The following PARD3 variants were observed in gnomAD, a reference collection of about 807,000 sequenced individuals.
PARD3 encodes partitioning defective 3 homolog.
PARD3 carries 75 observed loss-of-function variants against 155.4 expected under a neutral mutation model. The observed-to-expected ratio is 0.48, with a 90% CI of 0.40 to 0.58. The LOEUF (loss-of-function observed/expected upper bound fraction) is 0.58, where lower values mean the gene tolerates loss of function less well. Among genes scored for constraint, PARD3 ranks in the 20% least tolerant of loss-of-function variants. PARD3 has a pLI of 0.00. For missense variants in PARD3, 1,642 were observed against 1,721.7 expected (o/e 0.95, Z 0.82); for synonymous variants, 576 against 610.5 (o/e 0.94, Z 0.83).
intron 1 of PARD3, among the ~76,000 whole-genome samples, chr10:34,803,684 T>C (rs1843048702): frequency 6.6e-6 from 1 of 151,938 alleles, no homozygotes; most frequent in Non-Finnish European, 1.5e-5. Flanking sequence ...GAACCTATAA[T>C]CCCAGCTACT....
intron 2 of PARD3, among the ~76,000 whole-genome samples, chr10:34,555,482 A>C (rs1162668073): frequency 1.3e-5 from 2 of 152,192 alleles, no homozygotes; most frequent in Non-Finnish European, 2.9e-5. Context: ...GGAAAATTTT[A>C]TATCATAAAT....
intron 12 of PARD3, among the ~76,000 whole-genome samples, chr10:34,367,210 G>GTCT (rs1254728655): frequency 6.6e-6 from 1 of 152,070 alleles, no homozygotes; most frequent in South Asian, 2.1e-4. Context: ...ATTAACAAAC[G>GTCT]TAATAGGTTA....
intron 19 of PARD3, among the ~76,000 whole-genome samples, chr10:34,320,651 GT>G (rs1958315231): frequency 6.6e-6 from 1 of 152,130 alleles, no homozygotes; most frequent in Non-Finnish European, 1.5e-5. Flanking sequence ...TAATTTTCTG[GT>G]GTATGTAACA....
In PARD3 at chr10:34,610,912, G is replaced by C. The variant is rs74132069; in HGVS notation, c.222+85406C>G. On this transcript the variant is annotated intron_variant, in intron 2 of 24. Transcript: ENST00000374788. ...TGTGGTGATGGGGAGAGGTGGGGGG[G>C]AGTTTGAAATTTTCAGCTCTTAATG... Among the ~76,000 whole-genome samples, 1,199 of 152,182 alleles carry C rather than the reference G, an allele frequency of 7.9e-3. 17 individuals carry two copies. The highest frequency in any genetic ancestry group is 0.028 in the African/African-American group (1,146 of 41,526).
At chr10:34,331,411 T>C (rs929627320) in intron 18 of PARD3, 67 bp from the exon 19 acceptor site, 2 of 938,226 alleles carry the variant, frequency 2.1e-6, no homozygotes, top group African/African-American at 1.6e-5. Flanking sequence ...GAATATGCAC[T>C]GTCGAAAACT....
intron 20 of PARD3, among the ~76,000 whole-genome samples, chr10:34,293,903 G>C (rs1229163046): frequency 1.3e-5 from 2 of 152,142 alleles, no homozygotes; most frequent in Non-Finnish European, 2.9e-5. Flanking sequence ...CCTACATCTG[G>C]TTACCATGGT....
chr10:34,726,600 A>G (rs1446294021), intron 1 of PARD3, among the ~76,000 whole-genome samples: 2 of 151,976 alleles, frequency 1.3e-5, no homozygotes, highest in Non-Finnish European at 2.9e-5. Flanking sequence ...ACACACACAA[A>G]CACATACACA....
chr10:34,232,044 C>T (rs915635195), intron 22 of PARD3, among the ~76,000 whole-genome samples: 4 of 152,054 alleles, frequency 2.6e-5, no homozygotes, highest in Non-Finnish European at 2.9e-5. Context: ...TCACAGAACT[C>T]GAATAAAGGT....
intron 2 of PARD3, among the ~76,000 whole-genome samples, chr10:34,678,427 T>C (rs904124855): frequency 6.6e-6 from 1 of 152,212 alleles, no homozygotes; most frequent in Admixed American, 6.5e-5. Context: ...TACAGAACTG[T>C]GAAATTGGAG....
At chr10:34,734,411 C>A (rs1365283984) in intron 1 of PARD3, among the ~76,000 whole-genome samples, 1 of 137,350 alleles carries the variant, frequency 7.3e-6, no homozygotes, top group Non-Finnish European at 1.5e-5. Context: ...TCTCAGCTCA[C>A]TGCAAGCTCC....
chr10:34,472,672 A>C (rs1200967548), intron 3 of PARD3, among the ~76,000 whole-genome samples: 1 of 152,204 alleles, frequency 6.6e-6, no homozygotes, highest in Non-Finnish European at 1.5e-5. Context: ...TACAAGAGGC[A>C]CTATTAACTC....
intron 2 of PARD3, among the ~76,000 whole-genome samples, chr10:34,648,381 T>C (rs2092908359): frequency 6.6e-6 from 1 of 152,230 alleles, no homozygotes; most frequent in Non-Finnish European, 1.5e-5. Context: ...GCTGGTGTGC[T>C]GCTTGGAGTC....
At chr10:34,677,986 T>C (rs540921282) in intron 2 of PARD3, among the ~76,000 whole-genome samples, 3 of 152,166 alleles carry the variant, frequency 2.0e-5, no homozygotes, top group South Asian at 2.1e-4. Context: ...TATATATTGA[T>C]TGTATAGCCT....
chr10:34,224,180 G>T (rs969191018), intron 22 of PARD3, among the ~76,000 whole-genome samples: 1 of 152,156 alleles, frequency 6.6e-6, no homozygotes, highest in Non-Finnish European at 1.5e-5. Flanking sequence ...CAAACTTTAA[G>T]AGATTGACCT....
chr10:34,814,581 G>A (rs967156322), intron 1 of PARD3, among the ~76,000 whole-genome samples: 6 of 151,964 alleles, frequency 3.9e-5, no homozygotes, highest in African/African-American at 1.4e-4. Context: ...GCCCAGGGCC[G>A]GCCTATGCGC....
At chr10:34,138,514 A>G (rs1043775946) in intron 22 of PARD3, among the ~76,000 whole-genome samples, 2 of 152,124 alleles carry the variant, frequency 1.3e-5, no homozygotes, top group African/African-American at 2.4e-5. Flanking sequence ...ATTCGGTAAA[A>G]CTGAACTCAA....
At chr10:34,657,507 C>A (rs186557234) in intron 2 of PARD3, among the ~76,000 whole-genome samples, 149 of 151,092 alleles carry the variant, frequency 9.9e-4, no homozygotes, top group Admixed American at 1.9e-3. Context: ...ATCACTGTCA[C>A]CTTTCTGCTT....
chr10:34,534,629 C>T (rs1051558180), intron 2 of PARD3, among the ~76,000 whole-genome samples: 2 of 152,166 alleles, frequency 1.3e-5, no homozygotes, highest in Admixed American at 1.3e-4. Context: ...TGAACAAAAT[C>T]ACAGGCACAA....
intron 14 of PARD3, among the ~76,000 whole-genome samples, chr10:34,350,037 T>C (rs2134389393): frequency 6.6e-6 from 1 of 152,346 alleles, no homozygotes; most frequent in East Asian, 1.9e-4. Flanking sequence ...TCTCTACCCA[T>C]ATTTAATTTG....
Sources: gnomAD v4.1 joint callset for allele counts (sites outside exome capture counted in the v4.1 genomes callset) on GRCh38, gnomAD v4.1.1 for gene constraint, MANE v1.5 for transcripts, NCBI Gene and HGNC (gene_info 2026-07-23, HGNC 2026-07-21) for gene names.